CDH6: variants seen among roughly 807,000 people sequenced by gnomAD.
The protein encoded by CDH6 is cadherin-6.
In CDH6, 31 loss-of-function variants were observed where a neutral mutation model predicts 78.0. That is an observed-to-expected ratio of 0.40 (90% confidence interval 0.30 to 0.54). The LOEUF is 0.54. Ranked by LOEUF, CDH6 falls within the 20% of genes least tolerant of loss-of-function variation. CDH6 has a pLI of 0.56. For missense variants in CDH6, 724 were observed against 975.9 expected (o/e 0.74, Z 3.44); for synonymous variants, 376 against 368.8 (o/e 1.02, Z -0.23).
rs1178651002 is a variant in CDH6 at position 31,328,810 on chromosome 5, T to C, written c.*5502T>C. 4.6e-6 allele frequency: 1 copy of C among 218,184 alleles called. No homozygotes were observed. Among genetic ancestry groups the C allele is most frequent in the Non-Finnish European group, 9.2e-6 (1 of 108,602 alleles). The allele number at this position is 218,184 out of a possible 1,614,324, so 13.5% of individuals were successfully genotyped here. Reference sequence around the variant, plus strand: ...TGTCTTTGGCAACAAGAACACCTGATGAAAGCAAGCAATGCTCAGTTCCCA... The same window carrying C: ...TGTCTTTGGCAACAAGAACACCTGACGAAAGCAAGCAATGCTCAGTTCCCA... On this transcript the variant is annotated 3_prime_UTR_variant, in exon 12 of 12. Transcript: ENST00000265071.
chr5:31,227,638 C>T (rs1741190091), intron 1 of CDH6, among the ~76,000 whole-genome samples: 1 of 152,062 alleles, frequency 6.6e-6, no homozygotes, highest in South Asian at 2.1e-4. Context: ...GCCAAGGTTC[C>T]TCCAGAATTT....
intron 2 of CDH6, among the ~76,000 whole-genome samples, chr5:31,282,155 C>T (rs1742881273): frequency 6.6e-6 from 1 of 152,054 alleles, no homozygotes; most frequent in African/African-American, 2.4e-5. Context: ...AACAAGTCAC[C>T]ACAGATTTGT....
At position 31,267,615 on chromosome 5, in the gene CDH6, C is replaced by A. The variant is rs1238494046; in HGVS notation, c.142C>A (p.Leu48Met). 1.9e-6 allele frequency: 3 copies of A among 1,614,110 alleles called. No individual in the cohort carries two copies. The highest frequency in any genetic ancestry group is 2.5e-6 in the Non-Finnish European group (3 of 1,180,018). Residue 48 changes from leucine (L) to methionine (M), a missense_variant, in exon 2 of 12, where the codon CTG becomes ATG. Physicochemically the swap from Leu to Met is conservative, Grantham distance 15. This residue lies in a region of CDH6 where 58 missense variants were observed against 50.8 expected (regional missense o/e 1.14). Coordinates refer to ENST00000265071, the MANE Select transcript of CDH6 (RefSeq NM_004932.4). ...LELSGNSKNE[L>M]NRSKRSWMWN... ...GCTCTCTGGAAACAGCAAAAATGAG[C>A]TGAACCGTTCAAAAAGGAGCTGGAT...
rs73089383 is a variant in CDH6 at position 31,296,304 on chromosome 5, G to A, written c.524-985G>A. On this transcript the variant is annotated intron_variant, in intron 3 of 11. Coordinates refer to ENST00000265071, the MANE Select transcript of CDH6 (RefSeq NM_004932.4). ...CTTTCGGGAAGTCACAGAGCCCTTTGAGGATCATATAAAATCTACAGAATT... is the reference window on the plus strand; with the variant it reads ...CTTTCGGGAAGTCACAGAGCCCTTTAAGGATCATATAAAATCTACAGAATT... Among the ~76,000 whole-genome samples the A allele has an allele frequency of 7.0e-3, 1,070 of 152,196 alleles. 18 individuals carry two copies. The highest frequency in any genetic ancestry group is 0.024 in the African/African-American group (1,015 of 41,548).
Position 31,304,552 on chromosome 5 carries a change from G to A in CDH6, c.1000-622G>A, listed in dbSNP as rs188759596. On this transcript the variant is annotated intron_variant, in intron 6 of 11. Transcript: ENST00000265071. ...ATACAAAAATTAGCTGGGCCTGGTG[G>A]TGAGTGCCTGTAGTCCCAGCTACTC... 4.5e-3 allele frequency among the ~76,000 whole-genome samples: 678 copies of A among 152,166 alleles called. 5 individuals are homozygous for A. Among genetic ancestry groups the A allele is most frequent in the Non-Finnish European group, 5.8e-3 (391 of 67,994 alleles).
At chr5:31,276,562 GC>G (rs1362038729) in intron 2 of CDH6, among the ~76,000 whole-genome samples, 1 of 152,200 alleles carries the variant, frequency 6.6e-6, no homozygotes, top group Non-Finnish European at 1.5e-5. Flanking sequence ...GGGATTTAAT[GC>G]CCACTAGAGG....
intron 1 of CDH6, among the ~76,000 whole-genome samples, chr5:31,240,356 C>T (rs767880155): frequency 6.6e-5 from 10 of 152,102 alleles, no homozygotes; most frequent in African/African-American, 2.2e-4. Flanking sequence ...CTTCAATTTG[C>T]GGGATTAAGA....
At chr5:31,219,918 T>C (rs953351556) in intron 1 of CDH6, among the ~76,000 whole-genome samples, 8 of 152,222 alleles carry the variant, frequency 5.3e-5, no homozygotes, top group Non-Finnish European at 1.2e-4. Flanking sequence ...AAGACAGTTG[T>C]ATATCACATG....
chr5:31,323,138 T>C lies in CDH6; in HGVS notation c.2203T>C (p.Leu735=), dbSNP rs34647063. The C allele has an allele frequency of 4.2e-3, 6,794 of 1,614,160 alleles. 250 individuals carry two copies. The African/African-American group carries it at 0.081, about 19-fold the overall frequency. The change falls in exon 12 of 12, where the codon TTG becomes CTG. Residue 735 remains leucine (L), a synonymous_variant. Transcript: ENST00000265071. The part of the protein sequence containing the change: ...TDPTAPPYDS[L]ATYAYEGTGS... The stretch of plus-strand genomic sequence containing the variant: ...CCCCACTGCCCCGCCATACGACTCC[T>C]TGGCCACTTACGCCTATGAAGGCAC...
chr5:31,276,479 G>A (rs556429386), intron 2 of CDH6, among the ~76,000 whole-genome samples: 1 of 152,152 alleles, frequency 6.6e-6, no homozygotes, highest in Non-Finnish European at 1.5e-5. Flanking sequence ...TTTTAGGTGA[G>A]TTGGTGTGTT....
At chr5:31,207,033 A>C (rs1036826319) in intron 1 of CDH6, among the ~76,000 whole-genome samples, 2 of 152,196 alleles carry the variant, frequency 1.3e-5, no homozygotes, top group African/African-American at 4.8e-5. Flanking sequence ...GTCAGTCAAA[A>C]TACAGTTCAG....
chr5:31,266,658 G>A lies in CDH6; in HGVS notation c.-128-688G>A, dbSNP rs1742366406. Among the ~76,000 whole-genome samples, 6 of 151,926 alleles carry A rather than the reference G, an allele frequency of 3.9e-5. No individual in the cohort carries two copies. In the South Asian group the frequency reaches 1.2e-3, roughly 32 times the overall value. On this transcript the variant is annotated intron_variant, in intron 1 of 11. Transcript: ENST00000265071. Reference sequence around the variant, plus strand: ...TAAGGAAAAAAAAAAAAGTTTTCTGGTCAAGTTTGGGAAATGCTGGATTAA... The same window carrying A: ...TAAGGAAAAAAAAAAAAGTTTTCTGATCAAGTTTGGGAAATGCTGGATTAA...
At chr5:31,269,806 C>G (rs1742470777) in intron 2 of CDH6, among the ~76,000 whole-genome samples, 1 of 152,080 alleles carries the variant, frequency 6.6e-6, no homozygotes, top group Non-Finnish European at 1.5e-5. Flanking sequence ...AGATAAATTT[C>G]CCTCCCTCTT....
intron 1 of CDH6, among the ~76,000 whole-genome samples, chr5:31,233,343 CAA>C (rs5867063): frequency 0.016 from 2,329 of 141,804 alleles, 40 homozygotes; most frequent in African/African-American, 0.046. Context: ...CCCGTCTCTA[CAA>C]AAAAAAAAAA....
intron 2 of CDH6, among the ~76,000 whole-genome samples, chr5:31,267,956 T>C (rs1466354682): frequency 6.6e-6 from 1 of 152,178 alleles, no homozygotes; most frequent in Non-Finnish European, 1.5e-5. Flanking sequence ...AGGATTATCA[T>C]AAATCCTTTA....
At chr5:31,226,146 A>G (rs1039023229) in intron 1 of CDH6, among the ~76,000 whole-genome samples, 1 of 152,138 alleles carries the variant, frequency 6.6e-6, no homozygotes, top group African/African-American at 2.4e-5. Context: ...ACAGAAAAAT[A>G]TACTTTGAAC....
intron 2 of CDH6, among the ~76,000 whole-genome samples, chr5:31,279,716 G>A (rs1742800163): frequency 6.6e-6 from 1 of 152,158 alleles, no homozygotes; most frequent in Non-Finnish European, 1.5e-5. Flanking sequence ...AGAAGGAGGG[G>A]TTGGTCTTAC....
intron 1 of CDH6, among the ~76,000 whole-genome samples, chr5:31,220,841 C>A (rs926216999): frequency 6.6e-6 from 1 of 152,110 alleles, no homozygotes; most frequent in Admixed American, 6.5e-5. Context: ...CCAAGAGTCC[C>A]AGGAAGAGGG....
intron 1 of CDH6, among the ~76,000 whole-genome samples, chr5:31,222,846 G>C (rs1481688509): frequency 6.6e-6 from 1 of 152,054 alleles, no homozygotes; most frequent in African/African-American, 2.4e-5. Context: ...GTCATCTGCT[G>C]TTTTCATTAT....
Sources: gnomAD v4.1 joint callset for allele counts (sites outside exome capture counted in the v4.1 genomes callset) on GRCh38, gnomAD v4.1.1 for gene constraint, gnomAD v4.1.1 regional missense constraint, MANE v1.5 for transcripts, NCBI Gene and HGNC (gene_info 2026-07-23, HGNC 2026-07-21) for gene names.